CNTNAP2: variants seen among roughly 807,000 people sequenced by gnomAD.
CNTNAP2 encodes the protein contactin-associated protein-like 2.
Under a neutral mutation model 155.2 loss-of-function variants are expected in CNTNAP2, and 98 were observed. That is an observed-to-expected ratio of 0.63 (90% CI 0.54 to 0.75). The LOEUF (loss-of-function observed/expected upper bound fraction) is 0.75. CNTNAP2 is among the 30% of genes least tolerant of loss of function. The pLI, the probability that CNTNAP2 is intolerant of heterozygous loss-of-function variation, is 0.00. For synonymous variants in CNTNAP2, 651 were observed against 631.2 expected, an observed-to-expected ratio of 1.03 and a Z score of -0.47; for missense variants, 1,727 against 1,688.1, an observed-to-expected ratio of 1.02 and a Z score of -0.40.
At chr7:146,512,002 A>C (rs1797473857) in intron 1 of CNTNAP2, among the ~76,000 whole-genome samples, 1 of 151,894 alleles carries the variant, frequency 6.6e-6, no homozygotes, top group Non-Finnish European at 1.5e-5. Flanking sequence ...AATCTTGGTA[A>C]GTTGTATGTA....
intron 13 of CNTNAP2, among the ~76,000 whole-genome samples, chr7:147,856,932 TC>T (rs1799049622): frequency 6.6e-6 from 1 of 152,202 alleles, no homozygotes; most frequent in South Asian, 2.1e-4. Context: ...ACAGAATCAG[TC>T]CATTTTTCAG....
intron 3 of CNTNAP2, among the ~76,000 whole-genome samples, chr7:146,921,216 T>C (rs1382800957): frequency 6.6e-6 from 1 of 152,148 alleles, no homozygotes; most frequent in Non-Finnish European, 1.5e-5. Flanking sequence ...GTGGTAATTA[T>C]ATTATGTGTT....
intron 1 of CNTNAP2, among the ~76,000 whole-genome samples, chr7:146,550,972 A>G (rs1406521229): frequency 6.6e-6 from 1 of 152,056 alleles, no homozygotes; most frequent in African/African-American, 2.4e-5. Flanking sequence ...GAATAATACC[A>G]TGTTGACAGG....
At chr7:147,181,188 T>C (rs888762063) in intron 8 of CNTNAP2, among the ~76,000 whole-genome samples, 6 of 151,992 alleles carry the variant, frequency 3.9e-5, no homozygotes, top group Non-Finnish European at 7.4e-5. Context: ...GTAAAATAGT[T>C]TGAGCTGGGG....
intron 11 of CNTNAP2, among the ~76,000 whole-genome samples, chr7:147,544,824 C>T (rs537792098): frequency 5.9e-4 from 89 of 152,072 alleles, no homozygotes; most frequent in African/African-American, 1.9e-3. Context: ...AAGGGGTGTC[C>T]GGTTTTGCTT....
chr7:148,357,825 ATTACT>A (rs1310872230), intron 21 of CNTNAP2, among the ~76,000 whole-genome samples: 5 of 152,216 alleles, frequency 3.3e-5, no homozygotes, highest in African/African-American at 9.6e-5. Flanking sequence ...AATCAAAATG[ATTACT>A]TTATAGTTAG....
At chr7:146,626,699 AG>A (rs1799425428) in intron 1 of CNTNAP2, among the ~76,000 whole-genome samples, 2 of 152,182 alleles carry the variant, frequency 1.3e-5, no homozygotes, top group African/African-American at 4.8e-5. Context: ...AAAAGTAAAA[AG>A]ATACAAAAGA....
At chr7:146,345,482 A>C (rs1348979224) in intron 1 of CNTNAP2, among the ~76,000 whole-genome samples, 1 of 152,196 alleles carries the variant, frequency 6.6e-6, no homozygotes, top group East Asian at 1.9e-4. Flanking sequence ...GCCAAGGCAG[A>C]TAGAGCTTTT....
intron 4 of CNTNAP2, among the ~76,000 whole-genome samples, chr7:147,054,409 A>G (rs1394171168): frequency 1.3e-5 from 2 of 152,148 alleles, no homozygotes; most frequent in Non-Finnish European, 2.9e-5. Flanking sequence ...GTATTTTCTC[A>G]GGTAATCTTA....
At chr7:148,403,432 G>A (rs1799632789) in intron 22 of CNTNAP2, among the ~76,000 whole-genome samples, 2 of 152,182 alleles carry the variant, frequency 1.3e-5, no homozygotes, top group South Asian at 4.1e-4. Flanking sequence ...AGAGAAGTAT[G>A]TTGAATAGAG....
intron 10 of CNTNAP2, among the ~76,000 whole-genome samples, chr7:147,417,501 G>T (rs1346084267): frequency 6.6e-6 from 1 of 152,148 alleles, no homozygotes; most frequent in East Asian, 1.9e-4. Flanking sequence ...CCATCACACT[G>T]GGGATTGGGT....
intron 1 of CNTNAP2, among the ~76,000 whole-genome samples, chr7:146,642,711 C>T (rs1452737193): frequency 6.6e-6 from 1 of 152,084 alleles, no homozygotes; most frequent in East Asian, 1.9e-4. Context: ...ATTTCTAGTT[C>T]TAGATCTCTG....
At chr7:146,514,522 T>C (rs1233543103) in intron 1 of CNTNAP2, among the ~76,000 whole-genome samples, 1 of 152,080 alleles carries the variant, frequency 6.6e-6, no homozygotes, top group Non-Finnish European at 1.5e-5. Context: ...CTCTGATGCA[T>C]TTTTCATCTA....
intron 10 of CNTNAP2, among the ~76,000 whole-genome samples, chr7:147,433,182 T>C (rs564837511): frequency 6.6e-6 from 1 of 152,340 alleles, no homozygotes; most frequent in Non-Finnish European, 1.5e-5. Flanking sequence ...TTTTATATCA[T>C]AATTTTTAAA....
At chr7:147,196,495 G>A (rs1038417594) in intron 8 of CNTNAP2, among the ~76,000 whole-genome samples, 1 of 152,218 alleles carries the variant, frequency 6.6e-6, no homozygotes, top group Non-Finnish European at 1.5e-5. Flanking sequence ...GGATGAATTA[G>A]TATGATATAA....
chr7:147,375,958 T>C (rs1468749425), intron 9 of CNTNAP2, among the ~76,000 whole-genome samples: 1 of 152,046 alleles, frequency 6.6e-6, no homozygotes, highest in East Asian at 1.9e-4. Context: ...TGATGAAGGC[T>C]TCTATCATCT....
At chr7:147,127,575 T>C (rs1801265818) in intron 6 of CNTNAP2, among the ~76,000 whole-genome samples, 1 of 152,100 alleles carries the variant, frequency 6.6e-6, no homozygotes, top group African/African-American at 2.4e-5. Flanking sequence ...TGCTTTCATT[T>C]CACCCCATCA....
chr7:146,327,858 A>C (rs1801122074), intron 1 of CNTNAP2, among the ~76,000 whole-genome samples: 1 of 152,238 alleles, frequency 6.6e-6, no homozygotes, highest in Admixed American at 6.5e-5. Context: ...CTAGGACATT[A>C]ACATAAGGAG....
At chr7:146,594,449 C>CACACAG (rs1798829658) in intron 1 of CNTNAP2, among the ~76,000 whole-genome samples, 1 of 151,792 alleles carries the variant, frequency 6.6e-6, no homozygotes, top group South Asian at 2.1e-4. Context: ...CACACACACA[C>CACACAG]ACACACACTT....
Sources: gnomAD v4.1 joint callset for allele counts (sites outside exome capture counted in the v4.1 genomes callset) on GRCh38, gnomAD v4.1.1 for gene constraint, MANE v1.5 for transcripts, NCBI Gene and HGNC (gene_info 2026-07-23, HGNC 2026-07-21) for gene names.